The following EFTUD2 variants were observed in gnomAD, a reference collection of about 807,000 sequenced individuals.
EFTUD2 encodes the protein elongation factor Tu GTP binding domain containing 2.
A neutral mutation model predicts 114.3 loss-of-function variants in EFTUD2; 9 were observed. The ratio of observed to expected loss-of-function variants is 0.08; its 90% CI spans 0.05 to 0.14. The LOEUF is 0.14. Among genes scored for constraint, EFTUD2 ranks in the 10% least tolerant of loss-of-function variants. The pLI is 1.00. For synonymous variants in EFTUD2, 449 were observed against 462.3 expected (o/e 0.97, Z 0.37); for missense variants, 765 against 1,241.2 (o/e 0.62, Z 5.76).
At chr17:44,858,212 G>A (rs367713562) in intron 19 of EFTUD2, among the ~76,000 whole-genome samples, 22 of 151,938 alleles carry the variant, frequency 1.4e-4, no homozygotes, top group Non-Finnish European at 2.4e-4. Flanking sequence ...GTGAGCCACC[G>A]TGCTCGGCCT....
At position 44,879,541 on chromosome 17, in the gene EFTUD2, C is replaced by T; in HGVS notation, c.702+15G>A. 6.2e-7 allele frequency: 1 copy of T among 1,613,810 alleles called. No homozygotes were observed. Among genetic ancestry groups the T allele is most frequent in the Non-Finnish European group, 8.5e-7 (1 of 1,179,818 alleles). On this transcript the variant is annotated intron_variant, in intron 9 of 27. Coordinates refer to ENST00000426333, the MANE Select transcript of EFTUD2 (RefSeq NM_004247.4). ...TAACAGGTGGATGAGATTCTGGGAG[C>T]TGAGTCTGACTCACCCCCTCAGCAG...
At chr17:44,853,942 A>G (rs1163576417) in intron 23 of EFTUD2, 2 of 1,358,460 alleles carry the variant, frequency 1.5e-6, no homozygotes, top group African/African-American at 2.9e-5. Flanking sequence ...AGAATTGTAC[A>G]TTTGGTCCAT....
intron 13 of EFTUD2, 135 bp from the exon 14 acceptor site, chr17:44,865,200 C>G: frequency 7.5e-7 from 1 of 1,327,304 alleles, no homozygotes; most frequent in South Asian, 1.6e-5. Context: ...AAGCTCTTGG[C>G]AAGGACAAAA....
chr17:44,857,351 T>C (rs1205735665), intron 19 of EFTUD2, 194 bp from the exon 20 acceptor site: 2 of 511,112 alleles, frequency 3.9e-6, no homozygotes, highest in Admixed American at 3.2e-5. Context: ...CCAAGAAAAC[T>C]TACTGTAGTA....
intron 4 of EFTUD2, 110 bp from the exon 5 acceptor site, chr17:44,883,834 C>T (rs1441229928): frequency 2.2e-6 from 2 of 900,518 alleles, no homozygotes; most frequent in African/African-American, 3.3e-5. Context: ...TTCAGACCAA[C>T]TGGAGAGTGC....
chr17:44,851,488 T>C, intron 27 of EFTUD2, 119 bp from the exon 28 acceptor site: 2 of 937,986 alleles, frequency 2.1e-6, no homozygotes, highest in Non-Finnish European at 1.7e-6. Flanking sequence ...GGTGGTGGTG[T>C]TTCAGGAGCC....
chr17:44,860,238 AATAATAAAAGGC>A (rs1597795370), intron 17 of EFTUD2, 182 bp downstream of exon 17: 1 of 832,242 alleles, frequency 1.2e-6, no homozygotes, highest in East Asian at 2.7e-5. Flanking sequence ...AGAGGAGGAA[AATAATAAAAGGC>A]ACCCGTCCTA....
At chr17:44,875,073 T>C (rs974603605) in intron 10 of EFTUD2, among the ~76,000 whole-genome samples, 7 of 152,142 alleles carry the variant, frequency 4.6e-5, no homozygotes, top group Admixed American at 1.3e-4. Context: ...GGAGGCTGAT[T>C]CTAGAGCCCA....
In EFTUD2 at chr17:44,854,944, A is replaced by G; in HGVS notation, c.2106T>C (p.Asn702=). 2.5e-6 allele frequency: 4 copies of G among 1,614,064 alleles called. No homozygotes were observed. Among genetic ancestry groups the G allele is most frequent in the Middle Eastern group, 1.7e-4 (1 of 6,052 alleles). Residue 702 remains asparagine (N), a synonymous_variant, in exon 21 of 28, where the codon AAT becomes AAC. Transcript: ENST00000426333. This position sits in a 1 kb window ranked among gnomAD's most constrained non-coding sequence, Gnocchi z 4.3. ...TGTTCCACGTAATCTGGACCACCTC[A>G]TTCTCTATGTCCTCTGCCAGGCCCT... ...LEKGLAEDIE[N]EVVQITWNRK...
At chr17:44,893,776 G>A (rs943078046) in intron 2 of EFTUD2, among the ~76,000 whole-genome samples, 2 of 126,950 alleles carry the variant, frequency 1.6e-5, no homozygotes, top group African/African-American at 5.7e-5. Context: ...GTGGGGGGGG[G>A]GGTGGGGGGG....
intron 20 of EFTUD2, among the ~76,000 whole-genome samples, chr17:44,856,866 T>C (rs1209854238): frequency 6.6e-6 from 1 of 152,132 alleles, no homozygotes; most frequent in African/African-American, 2.4e-5. Context: ...CTCTTGGGAA[T>C]ACCCAAGGCG....
At chr17:44,895,338 A>G (rs1162330552) in intron 1 of EFTUD2, among the ~76,000 whole-genome samples, 2 of 152,226 alleles carry the variant, frequency 1.3e-5, no homozygotes, top group African/African-American at 4.8e-5. Context: ...TCTACTAAAA[A>G]TACAAAAATT....
Position 44,857,544 on chromosome 17 carries a change from C to T in EFTUD2, c.1963-387G>A, listed in dbSNP as rs753106024. ...GTGCACCCATGTCATTCTCAACCCA[C>T]AGCATCTGAGTGAAGCTCTGCCCTG... On this transcript the variant is annotated intron_variant, in intron 19 of 27. Coordinates refer to ENST00000426333, the MANE Select transcript of EFTUD2 (RefSeq NM_004247.4). The T allele has an allele frequency of 4.8e-4, 121 of 250,002 alleles. 1 individual carries two copies. The highest frequency in any genetic ancestry group is 1.4e-4 in the Admixed American group (3 of 20,982). The allele number at this position is 250,002 out of a possible 1,614,324, so 15.5% of individuals were successfully genotyped here. A position where few individuals can be genotyped will look rare whatever the true frequency, so the allele number is the denominator to read the frequency against.
At chr17:44,879,500 G>C (rs374723166) in intron 9 of EFTUD2, 56 bp downstream of exon 9, 14 of 1,564,098 alleles carry the variant, frequency 9.0e-6, no homozygotes, top group Middle Eastern at 3.3e-4. Context: ...GTATTGTTGC[G>C]GGGTGGGGGC....
intron 18 of EFTUD2, chr17:44,859,399 A>G: frequency 1.7e-6 from 1 of 588,078 alleles, no homozygotes; most frequent in Non-Finnish European, 3.0e-6. Context: ...CTAGGTGTGA[A>G]GTCAATGATT....
chr17:44,853,176 TC>T, intron 25 of EFTUD2, 119 bp downstream of exon 25: 1 of 1,026,418 alleles, frequency 9.7e-7, no homozygotes, highest in Non-Finnish European at 1.4e-6. Context: ...AAATCAGCTC[TC>T]GGGGTTTCCA....
chr17:44,897,158 G>C (rs779717937), intron 1 of EFTUD2, among the ~76,000 whole-genome samples: 35 of 149,088 alleles, frequency 2.3e-4, no homozygotes, highest in African/African-American at 4.7e-4. Flanking sequence ...GGAGCTTGCA[G>C]TGAGCGGAGA....
rs1362401594 is a variant in EFTUD2, at chr17:44,850,419, G to A, written c.*855C>T. 6.3e-7 allele frequency: 1 copy of A among 1,575,812 alleles called. No individual in the cohort carries two copies. On this transcript the variant is annotated 3_prime_UTR_variant, in exon 28 of 28. Transcript: ENST00000426333. Reference sequence around the variant, plus strand: ...TAGGACTCCTATAGGAGCCGGGGCTGTCCAACTCCCCTAACTCAATCCCTG... The same window carrying A: ...TAGGACTCCTATAGGAGCCGGGGCTATCCAACTCCCCTAACTCAATCCCTG...
chr17:44,875,024 T>C lies in EFTUD2; in HGVS notation c.869+910A>G, dbSNP rs2050920251. 2.0e-5 allele frequency among the ~76,000 whole-genome samples: 3 copies of C among 152,224 alleles called. No individual in the cohort carries two copies. In the South Asian group the frequency reaches 6.2e-4, roughly 32 times the overall value. ...TACTGAAGCAGAAACTGAACTTAAG[T>C]AATCTGCCCAACTTTACATGGTTGG... On this transcript the variant is annotated intron_variant, in intron 10 of 27. Coordinates refer to ENST00000426333, the MANE Select transcript of EFTUD2 (RefSeq NM_004247.4).
Sources: gnomAD v4.1 joint callset for allele counts (sites outside exome capture counted in the v4.1 genomes callset) on GRCh38, gnomAD v4.1.1 for gene constraint, Gnocchi (gnomAD v3.1) non-coding constraint, MANE v1.5 for transcripts, NCBI Gene and HGNC (gene_info 2026-07-23, HGNC 2026-07-21) for gene names.